LRRC4C: variants seen among roughly 807,000 people sequenced by gnomAD.
The protein encoded by LRRC4C is leucine-rich repeat-containing protein 4C.
In LRRC4C, 5 loss-of-function variants were observed where a neutral mutation model predicts 33.6. The ratio of observed to expected loss-of-function variants is 0.15; its 90% CI spans 0.08 to 0.31. The LOEUF (loss-of-function observed/expected upper bound fraction) is 0.31. LRRC4C is among the 10% of genes least tolerant of loss of function. The pLI is 1.00. For synonymous variants in LRRC4C, 329 were observed against 302.0 expected (o/e 1.09, Z -0.93); for missense variants, 560 against 796.7 (o/e 0.70, Z 3.58).
intron 1 of LRRC4C, among the ~76,000 whole-genome samples, chr11:41,211,329 A>G (rs1474039841): frequency 6.6e-6 from 1 of 151,942 alleles, no homozygotes; most frequent in Non-Finnish European, 1.5e-5. Context: ...TTATTCATTT[A>G]TTTTTATTTT....
chr11:40,652,548 G>A (rs906407546), intron 2 of LRRC4C, among the ~76,000 whole-genome samples: 2 of 152,164 alleles, frequency 1.3e-5, no homozygotes, highest in African/African-American at 2.4e-5. Context: ...TAAAGAATAG[G>A]AAGAGATAGC....
intron 2 of LRRC4C, among the ~76,000 whole-genome samples, chr11:40,766,579 A>G (rs1949478270): frequency 6.6e-6 from 1 of 152,002 alleles, no homozygotes; most frequent in Non-Finnish European, 1.5e-5. Flanking sequence ...AAAAAGATAT[A>G]CATAGAAACA....
At chr11:40,971,767 G>A (rs932938728) in intron 1 of LRRC4C, among the ~76,000 whole-genome samples, 2 of 152,102 alleles carry the variant, frequency 1.3e-5, no homozygotes, top group African/African-American at 4.8e-5. Context: ...TTTAAACCCT[G>A]GAAAGCTACA....
chr11:40,586,119 A>G (rs1343395642), intron 3 of LRRC4C, among the ~76,000 whole-genome samples: 1 of 149,434 alleles, frequency 6.7e-6, no homozygotes, highest in Non-Finnish European at 1.5e-5. Flanking sequence ...ATTTCTCCAC[A>G]TCCTCTCCAG....
intron 5 of LRRC4C, among the ~76,000 whole-genome samples, chr11:40,217,579 T>G (rs1249526786): frequency 6.6e-6 from 1 of 152,108 alleles, no homozygotes; most frequent in African/African-American, 2.4e-5. Flanking sequence ...GTATACAAAT[T>G]AAATGAGATA....
rs947661182 is a variant in LRRC4C, at chr11:40,728,542, T to C, written c.-406-80264A>G. The stretch of plus-strand genomic sequence containing the variant: ...TCGGAAGGCTGAGGCGGGAGAATGG[T>C]ATGAACCAGAGAGGCGGAGCTTACA... On this transcript the variant is annotated intron_variant, in intron 2 of 6. Transcript: ENST00000528697. Among the ~76,000 whole-genome samples the C allele has an allele frequency of 3.5e-5, 5 of 143,206 alleles. No homozygotes were observed. The Admixed American group carries it at 3.6e-4, about 10-fold the overall frequency. The allele number at this position is 143,206 out of a possible 152,430, so 93.9% of individuals were successfully genotyped here.
At chr11:40,210,304 T>C (rs1003784569) in intron 5 of LRRC4C, among the ~76,000 whole-genome samples, 2 of 151,590 alleles carry the variant, frequency 1.3e-5, no homozygotes, top group Non-Finnish European at 2.9e-5. Flanking sequence ...ATATGCAATA[T>C]AAAGTTTAGA....
At chr11:40,753,668 T>A (rs1410265608) in intron 2 of LRRC4C, among the ~76,000 whole-genome samples, 2 of 151,838 alleles carry the variant, frequency 1.3e-5, no homozygotes, top group Non-Finnish European at 2.9e-5. Context: ...ACTACATAAT[T>A]TTATTTCGAT....
intron 3 of LRRC4C, among the ~76,000 whole-genome samples, chr11:40,388,817 T>C (rs1171055953): frequency 2.0e-5 from 3 of 152,196 alleles, no homozygotes; most frequent in Non-Finnish European, 4.4e-5. Flanking sequence ...TCTCTGTGTT[T>C]TTGTCATTGG....
At chr11:40,157,140 G>A (rs774099814) in intron 5 of LRRC4C, among the ~76,000 whole-genome samples, 9 of 151,986 alleles carry the variant, frequency 5.9e-5, no homozygotes, top group East Asian at 1.9e-4. Flanking sequence ...TGACAAAGCC[G>A]ACAAAAACAT....
chr11:40,440,574 C>A (rs1190817037), intron 3 of LRRC4C, among the ~76,000 whole-genome samples: 1 of 152,106 alleles, frequency 6.6e-6, no homozygotes, highest in Non-Finnish European at 1.5e-5. Context: ...AAAGAATTTT[C>A]ATATTCATTC....
At position 40,115,009 on chromosome 11, in the gene LRRC4C, C is replaced by G. The variant is rs150841497; in HGVS notation, c.1284G>C (p.Val428=). The G allele has an allele frequency of 8.4e-4, 1,354 of 1,614,216 alleles. 14 individuals are homozygous for G. In the African/African-American group the frequency reaches 0.016, roughly 19 times the overall value. The change falls in exon 7 of 7, where the codon GTG becomes GTC. Residue 428 remains valine (V), a synonymous_variant. Transcript: ENST00000528697. The surrounding 1 kb of genome is among the most constrained non-coding windows in gnomAD (Gnocchi z 6.7). ...CAGTAGTATTCCCAACGGAATTACT[C>G]ACCATACATGTGTACATGCCTGTAT... The part of the protein sequence containing the change: ...VQDTGMYTCM[V]SNSVGNTTAS...
chr11:40,400,253 T>G (rs1295894962), intron 3 of LRRC4C, among the ~76,000 whole-genome samples: 1 of 152,120 alleles, frequency 6.6e-6, no homozygotes, highest in Non-Finnish European at 1.5e-5. Flanking sequence ...GGCTGCAAAA[T>G]TAGTCAGTGT....
At chr11:40,804,082 T>A (rs997184531) in intron 2 of LRRC4C, among the ~76,000 whole-genome samples, 2 of 152,180 alleles carry the variant, frequency 1.3e-5, no homozygotes, top group African/African-American at 4.8e-5. Context: ...TGGTTTTCTA[T>A]TTTTCCTTCT....
intron 1 of LRRC4C, among the ~76,000 whole-genome samples, chr11:41,404,564 C>CA (rs375465500): frequency 0.32 from 29,630 of 93,980 alleles, 3,628 homozygotes; most frequent in Non-Finnish European, 0.42. Context: ...ACACACACAC[C>CA]CCCCGAGGTT....
chr11:41,282,653 A>G (rs1949710273), intron 1 of LRRC4C, among the ~76,000 whole-genome samples: 1 of 152,140 alleles, frequency 6.6e-6, no homozygotes, highest in Non-Finnish European at 1.5e-5. Context: ...GCCATACTTG[A>G]TTGCTGGTTT....
intron 4 of LRRC4C, chr11:40,241,867 C>T (rs570034661): frequency 6.6e-6 from 1 of 152,362 alleles, no homozygotes; most frequent in African/African-American, 2.4e-5. Context: ...TGTTGGCATG[C>T]TCTTTGCCTG....
intron 3 of LRRC4C, among the ~76,000 whole-genome samples, chr11:40,462,968 T>C (rs1169974411): frequency 1.6e-5 from 2 of 128,528 alleles, no homozygotes; most frequent in Non-Finnish European, 3.3e-5. Context: ...ATCATACTTA[T>C]CCCAGATCAT....
intron 3 of LRRC4C, among the ~76,000 whole-genome samples, chr11:40,614,000 G>T (rs1022142428): frequency 1.7e-5 from 2 of 117,164 alleles, no homozygotes; most frequent in African/African-American, 6.4e-5. Flanking sequence ...ATCACAGGCA[G>T]AGTAGATTTA....
Sources: gnomAD v4.1 joint callset for allele counts (sites outside exome capture counted in the v4.1 genomes callset) on GRCh38, gnomAD v4.1.1 for gene constraint, Gnocchi (gnomAD v3.1) non-coding constraint, MANE v1.5 for transcripts, NCBI Gene and HGNC (gene_info 2026-07-23, HGNC 2026-07-21) for gene names.